Variants in NAV2 observed in about 807,000 individuals in gnomAD.
The protein encoded by NAV2 is neuron navigator 2.
In NAV2, 54 loss-of-function variants were observed where a neutral mutation model predicts 223.2. The ratio of observed to expected loss-of-function variants is 0.24; its 90% CI spans 0.19 to 0.30. The LOEUF (loss-of-function observed/expected upper bound fraction) is 0.30, where lower values mean the gene tolerates loss of function less well. NAV2 is among the 10% of genes least tolerant of loss of function. The pLI, the probability that NAV2 is intolerant of heterozygous loss-of-function variation, is 1.00. For synonymous variants in NAV2, 1,279 were observed against 1,239.3 expected (o/e 1.03, Z -0.67); for missense variants, 2,806 against 3,147.5 (o/e 0.89, Z 2.60).
chr11:20,116,281 T>C (rs906920046), intron 37 of NAV2, among the ~76,000 whole-genome samples: 5 of 152,202 alleles, frequency 3.3e-5, no homozygotes, highest in Admixed American at 6.6e-5. Context: ...AATAATAATA[T>C]TAATAGGCGA....
At chr11:19,440,784 G>C (rs547986873) in intron 1 of NAV2, among the ~76,000 whole-genome samples, 33 of 152,310 alleles carry the variant, frequency 2.2e-4, no homozygotes, top group Middle Eastern at 6.8e-3. Context: ...CTCAATGAAT[G>C]AATGGAGGCT....
At chr11:19,426,045 G>C (rs544565340) in intron 1 of NAV2, among the ~76,000 whole-genome samples, 1 of 152,150 alleles carries the variant, frequency 6.6e-6, no homozygotes, top group African/African-American at 2.4e-5. Context: ...CTGAAGTTGC[G>C]CTGTTTCAGA....
intron 1 of NAV2, among the ~76,000 whole-genome samples, chr11:19,749,916 A>T (rs1298344255): frequency 6.6e-6 from 1 of 152,224 alleles, no homozygotes; most frequent in African/African-American, 2.4e-5. Flanking sequence ...GCATTCAGAT[A>T]CTTTGTTTCT....
chr11:19,448,938 A>G (rs1010358953), intron 1 of NAV2, among the ~76,000 whole-genome samples: 33 of 152,210 alleles, frequency 2.2e-4, no homozygotes, highest in African/African-American at 7.7e-4. Context: ...AGCTGTTTAG[A>G]GTGCAGTTAT....
intron 1 of NAV2, among the ~76,000 whole-genome samples, chr11:19,659,988 A>G (rs2135722096): frequency 6.6e-6 from 1 of 152,198 alleles, no homozygotes; most frequent in East Asian, 1.9e-4. Context: ...TGCTATTAAT[A>G]CTAGTCTATT....
chr11:19,664,237 C>T lies in NAV2; in HGVS notation c.76-168247C>T, dbSNP rs115058908. On this transcript the variant is annotated intron_variant, in intron 1 of 37. Coordinates refer to the NAV2 transcript ENST00000360655. ...CTGAGTCTCCCTCTTTTTTAGTTTACGCTCTTGATTGAAGCCTCCTTTGGG... is the reference window on the plus strand; with the variant it reads ...CTGAGTCTCCCTCTTTTTTAGTTTATGCTCTTGATTGAAGCCTCCTTTGGG... 7.3e-3 allele frequency among the ~76,000 whole-genome samples: 1,113 copies of T among 152,264 alleles called. 9 individuals are homozygous for T. Among genetic ancestry groups the T allele is most frequent in the African/African-American group, 0.025 (1,041 of 41,544 alleles).
At chr11:19,534,328 C>T (rs1476881469) in intron 1 of NAV2, among the ~76,000 whole-genome samples, 1 of 152,128 alleles carries the variant, frequency 6.6e-6, no homozygotes, top group Non-Finnish European at 1.5e-5. Flanking sequence ...CCTGCTGTAC[C>T]CACAGTGCAG....
chr11:19,436,246 C>T (rs2702700), intron 1 of NAV2, among the ~76,000 whole-genome samples: 139,625 of 152,266 alleles, frequency 0.92, 64,051 homozygotes, highest in Middle Eastern at 0.95. Flanking sequence ...TGACTTGATT[C>T]TTATATATGG....
intron 1 of NAV2, among the ~76,000 whole-genome samples, chr11:19,457,969 G>A (rs939160871): frequency 6.4e-4 from 98 of 152,338 alleles, no homozygotes; most frequent in African/African-American, 2.2e-3. Flanking sequence ...AAAGATGGCA[G>A]GGGGTCCTCC....
rs59662808 is a variant in NAV2, at chr11:19,907,874, C to T, written c.931+15280C>T. Among the ~76,000 whole-genome samples, 3 of 152,278 alleles carry T rather than the reference C, an allele frequency of 2.0e-5. No individual in the cohort carries two copies. The East Asian group carries it at 5.8e-4, about 29-fold the overall frequency. ...TTAATGCATCCAGACCCACAATTTG[C>T]AACTTGCTGCCCCATTGCTGGGGGC... On this transcript the variant is annotated intron_variant, in intron 6 of 37. Transcript: ENST00000349880.
intron 1 of NAV2, among the ~76,000 whole-genome samples, chr11:19,376,595 T>C (rs925093652): frequency 1.3e-5 from 2 of 152,240 alleles, no homozygotes; most frequent in Non-Finnish European, 1.5e-5. Flanking sequence ...TGTTCATTCA[T>C]TCAATCAACT....
chr11:20,075,314 C>T (rs1195836203), intron 22 of NAV2, among the ~76,000 whole-genome samples: 1 of 151,892 alleles, frequency 6.6e-6, no homozygotes, highest in Non-Finnish European at 1.5e-5. Context: ...AGCTCCGCCT[C>T]CCGGGTTCAC....
intron 1 of NAV2, among the ~76,000 whole-genome samples, chr11:19,655,580 T>C (rs1186233064): frequency 1.3e-5 from 2 of 152,150 alleles, no homozygotes; most frequent in Admixed American, 6.5e-5. Flanking sequence ...GATGAGTTCA[T>C]GTCCTTTGTA....
intron 1 of NAV2, among the ~76,000 whole-genome samples, chr11:19,399,358 G>A (rs879147369): frequency 6.6e-6 from 1 of 152,184 alleles, no homozygotes; most frequent in Admixed American, 6.5e-5. Flanking sequence ...TAATCTCCCT[G>A]GGCAGTAATG....
At chr11:19,519,433 A>T (rs1188887502) in intron 1 of NAV2, among the ~76,000 whole-genome samples, 1 of 152,172 alleles carries the variant, frequency 6.6e-6, no homozygotes, top group Non-Finnish European at 1.5e-5. Context: ...TCACCATTTT[A>T]TGGGTGGAGC....
At chr11:19,404,978 T>TC (rs1849834001) in intron 1 of NAV2, among the ~76,000 whole-genome samples, 1 of 152,130 alleles carries the variant, frequency 6.6e-6, no homozygotes, top group African/African-American at 2.4e-5. Flanking sequence ...TGTCTGGAGT[T>TC]CCAGTTATAC....
chr11:19,709,353 T>C (rs534629097), upstream of NAV2, among the ~76,000 whole-genome samples: 134 of 151,680 alleles, frequency 8.8e-4, no homozygotes, highest in African/African-American at 3.0e-3. Flanking sequence ...CCATCCTGGC[T>C]AACATGGTGG....
chr11:20,070,537 C>G (rs1302017389), intron 22 of NAV2, among the ~76,000 whole-genome samples: 5 of 152,090 alleles, frequency 3.3e-5, no homozygotes, highest in Non-Finnish European at 7.4e-5. Flanking sequence ...GTGTTTTGTT[C>G]CTCATAAAAG....
intron 3 of NAV2, among the ~76,000 whole-genome samples, chr11:19,853,734 AG>A (rs2061266947): frequency 6.8e-6 from 1 of 146,372 alleles, no homozygotes; most frequent in African/African-American, 2.6e-5. Flanking sequence ...ACCCTCTTCC[AG>A]CTCACTTAAC....
Sources: allele counts gnomAD v4.1 joint callset (sites outside exome capture counted in the v4.1 genomes callset), GRCh38; gene constraint gnomAD v4.1.1; transcripts MANE v1.5; gene names NCBI Gene and HGNC (gene_info 2026-07-23, HGNC 2026-07-21).